The following KIAA0513 variants were observed in gnomAD, a reference collection of about 807,000 sequenced individuals.
KIAA0513 encodes KIAA0513.
Under a neutral mutation model 56.5 loss-of-function variants are expected in KIAA0513, and 39 were observed. That is an observed-to-expected ratio of 0.69 (90% CI 0.53 to 0.90). The LOEUF (loss-of-function observed/expected upper bound fraction) is 0.90, where lower values mean the gene tolerates loss of function less well. KIAA0513 is among the 40% of genes least tolerant of loss of function. KIAA0513 has a pLI of 0.00. For synonymous variants in KIAA0513, 268 were observed against 215.6 expected (o/e 1.24, Z -2.13); for missense variants, 591 against 535.2 (o/e 1.10, Z -1.03).
rs766484276 is a variant in KIAA0513, at chr16:85,067,256, C to T, written c.185C>T (p.Ser62Leu). The T allele has an allele frequency of 1.2e-4, 187 of 1,613,980 alleles. No individual in the cohort carries two copies. In the Admixed American group the frequency reaches 2.8e-3, roughly 24 times the overall value. The change falls in exon 2 of 13, where the codon TCG becomes TTG. Residue 62 changes from serine (S) to leucine (L), a missense_variant. By Grantham distance (145) the Ser-to-Leu change is moderately radical. Coordinates refer to ENST00000683363, the MANE Select transcript of KIAA0513 (RefSeq NM_001388359.1). ...DSENDMGESPSHPSWDQDRRS... is the reference protein window; with the variant it reads ...DSENDMGESPLHPSWDQDRRS... The stretch of plus-strand genomic sequence containing the variant: ...GAGAATGACATGGGCGAGTCGCCCT[C>T]GCACCCGTCCTGGGACCAAGACCGC...
chr16:85,063,424 C>A (rs937633161), intron 1 of KIAA0513: 1 of 152,244 alleles, frequency 6.6e-6, no homozygotes, highest in Non-Finnish European at 1.5e-5. Context: ...TGCCACCACG[C>A]CCGGCTGATT....
chr16:85,052,018 A>G (rs1036489879), intron 1 of KIAA0513, among the ~76,000 whole-genome samples: 1 of 151,620 alleles, frequency 6.6e-6, no homozygotes, highest in Admixed American at 6.6e-5. Context: ...CAAGGTTGTT[A>G]TCCTTTCTAA....
At chr16:85,083,739 G>C (rs1368297064) in intron 10 of KIAA0513, among the ~76,000 whole-genome samples, 1 of 152,170 alleles carries the variant, frequency 6.6e-6, no homozygotes, top group Non-Finnish European at 1.5e-5. Context: ...ATCTCTGACC[G>C]GCCCCTGAGC....
At chr16:85,035,382 G>A (rs1178067545) in intron 1 of KIAA0513, among the ~76,000 whole-genome samples, 3 of 152,220 alleles carry the variant, frequency 2.0e-5, no homozygotes, top group Non-Finnish European at 4.4e-5. Flanking sequence ...TCTCCACCTG[G>A]CTCTGTGGGG....
chr16:85,082,672 C>T lies in KIAA0513; in HGVS notation c.1010+79C>T, dbSNP rs372489501. On this transcript the variant is annotated intron_variant, in intron 10 of 12. Coordinates refer to ENST00000683363, the MANE Select transcript of KIAA0513 (RefSeq NM_001388359.1). Reference sequence around the variant, plus strand: ...GCCACTGCAGGGTGGGGGCTGTGCACTGTGCTGAGCTGCTGCAGCAGGCAC... The same window carrying T: ...GCCACTGCAGGGTGGGGGCTGTGCATTGTGCTGAGCTGCTGCAGCAGGCAC... 7.1e-6 allele frequency: 10 copies of T among 1,398,688 alleles called. No individual in the cohort carries two copies. In the African/African-American group the frequency reaches 1.0e-4, roughly 14 times the overall value. The allele number at this position is 1,398,688 out of a possible 1,614,324, so 86.6% of individuals were successfully genotyped here. A position where few individuals can be genotyped will look rare whatever the true frequency, so the allele number is the denominator to read the frequency against.
chr16:85,074,325 C>G (rs1431168547), intron 4 of KIAA0513, among the ~76,000 whole-genome samples: 2 of 146,336 alleles, frequency 1.4e-5, no homozygotes, highest in East Asian at 4.0e-4. Context: ...CACACACACA[C>G]ACGTATATAT....
chr16:85,075,716 T>C, intron 4 of KIAA0513, 128 bp from the exon 5 acceptor site: 1 of 748,684 alleles, frequency 1.3e-6, no homozygotes, highest in African/African-American at 1.7e-5. Flanking sequence ...GGAGATTGTT[T>C]TGTGCATCTC....
intron 1 of KIAA0513, among the ~76,000 whole-genome samples, chr16:85,055,659 C>T (rs1366329621): frequency 6.6e-6 from 1 of 152,182 alleles, no homozygotes; most frequent in Non-Finnish European, 1.5e-5. Flanking sequence ...TCTTTCTAGA[C>T]ACCTACTGAC....
At chr16:85,057,769 G>T (rs7190474) in intron 1 of KIAA0513, among the ~76,000 whole-genome samples, 4,474 of 141,392 alleles carry the variant, frequency 0.032, 127 homozygotes, top group African/African-American at 0.071. Flanking sequence ...TTTTGTTTTT[G>T]TTTTTTTTTT....
In KIAA0513 at chr16:85,066,905, G is replaced by A. The variant is rs190962592; in HGVS notation, c.-167G>A. The A allele has an allele frequency of 5.6e-4, 301 of 541,578 alleles. No homozygotes were observed. The highest frequency in any genetic ancestry group is 5.2e-3 in the African/African-American group (270 of 52,324). 33.5% of individuals were successfully genotyped at this position (541,578 alleles called of 1,614,324 possible). A position where few individuals can be genotyped will look rare whatever the true frequency, so the allele number is the denominator to read the frequency against. ...TGTCTGTGTTTCCATTCTAGATGCC[G>A]TAGGGCCAGGTGAGCTGCTGTGAAG... On this transcript the variant is annotated 5_prime_UTR_variant, in exon 2 of 13. Coordinates refer to ENST00000683363, the MANE Select transcript of KIAA0513 (RefSeq NM_001388359.1).
chr16:85,077,006 C>T (rs1196997036), intron 5 of KIAA0513, among the ~76,000 whole-genome samples: 1 of 152,102 alleles, frequency 6.6e-6, no homozygotes, highest in Non-Finnish European at 1.5e-5. Flanking sequence ...TTGGGTGCTG[C>T]CCAGACTCCT....
chr16:85,041,870 C>T (rs1008974542), intron 1 of KIAA0513, among the ~76,000 whole-genome samples: 1 of 152,168 alleles, frequency 6.6e-6, no homozygotes, highest in Non-Finnish European at 1.5e-5. Context: ...TACAGCTTCA[C>T]CTTGTCACTT....
rs1297436345 is a variant in KIAA0513 at position 85,066,954 on chromosome 16, T to A, written c.-118T>A. The A allele has an allele frequency of 2.5e-6, 2 of 805,448 alleles. No homozygotes were observed. The highest frequency in any genetic ancestry group is 3.8e-6 in the Non-Finnish European group (2 of 522,162). 49.9% of individuals were successfully genotyped at this position (805,448 alleles called of 1,614,324 possible). A position where few individuals can be genotyped will look rare whatever the true frequency, so the allele number is the denominator to read the frequency against. On this transcript the variant is annotated 5_prime_UTR_variant, in exon 2 of 13. Coordinates refer to ENST00000683363, the MANE Select transcript of KIAA0513 (RefSeq NM_001388359.1). The stretch of plus-strand genomic sequence containing the variant: ...AGGACTCATTCTTGGTAGCCGGCAG[T>A]TACTGGCAACTTGTGAGCTTGGTGG...
Position 85,082,626 on chromosome 16 carries a change from A to G in KIAA0513, c.1010+33A>G, listed in dbSNP as rs997883429. ...TGTCCACGTGACTTTGTTCCATTTT[A>G]CAGTGCGGGCTCCTGCGAAGGCCAC... is the stretch of plus-strand genomic sequence containing the variant. On this transcript the variant is annotated intron_variant, in intron 10 of 12. Transcript: ENST00000683363. The G allele has an allele frequency of 4.3e-6, 7 of 1,612,672 alleles. No homozygotes were observed. In the Admixed American group the frequency reaches 1.0e-4, roughly 23 times the overall value.
chr16:85,039,656 A>C (rs2073079765), intron 1 of KIAA0513, among the ~76,000 whole-genome samples: 1 of 151,952 alleles, frequency 6.6e-6, no homozygotes, highest in African/African-American at 2.4e-5. Flanking sequence ...TATTTTTTGT[A>C]GCAATGGGGT....
Position 85,083,057 on chromosome 16 carries a change from C to A in KIAA0513, c.1010+464C>A, listed in dbSNP as rs527722046. 2.0e-5 allele frequency among the ~76,000 whole-genome samples: 3 copies of A among 152,356 alleles called. No homozygotes were observed. The South Asian group carries it at 6.2e-4, about 32-fold the overall frequency. On this transcript the variant is annotated intron_variant, in intron 10 of 12. Coordinates refer to ENST00000683363, the MANE Select transcript of KIAA0513 (RefSeq NM_001388359.1). Reference sequence around the variant, plus strand: ...CATCTGGGAAGCCACGGGTGGGGTGCAGAGCCTGTCCTGTTTGCAACACCA... The same window carrying A: ...CATCTGGGAAGCCACGGGTGGGGTGAAGAGCCTGTCCTGTTTGCAACACCA...
intron 1 of KIAA0513, among the ~76,000 whole-genome samples, chr16:85,042,554 C>A (rs554802322): frequency 6.6e-6 from 1 of 152,212 alleles, no homozygotes; most frequent in East Asian, 1.9e-4. Flanking sequence ...CCCTTTTAAG[C>A]CTTAAAGTTT....
intron 2 of KIAA0513, among the ~76,000 whole-genome samples, chr16:85,070,330 A>T (rs953583624): frequency 1.3e-5 from 2 of 152,060 alleles, no homozygotes; most frequent in Non-Finnish European, 2.9e-5. Context: ...TCAGTTTTCT[A>T]TGTGGTTAGA....
Position 85,086,089 on chromosome 16 carries a change from G to GGCCCTCAGC in KIAA0513, c.1011-545_1011-537dup, listed in dbSNP as rs1176656633. Among the ~76,000 whole-genome samples, 24 of 152,210 alleles carry GGCCCTCAGC rather than the reference G, an allele frequency of 1.6e-4. 2 individuals carry two copies. Among genetic ancestry groups the GGCCCTCAGC allele is most frequent in the Non-Finnish European group, 2.2e-4 (15 of 68,034 alleles). ...GCCCTCTGCAGACAGGGGACAGTGT[G>GGCCCTCAGC]GCCCTCAGCGCCCTCAGCCTCTGTG... On this transcript the variant is annotated intron_variant, in intron 10 of 12. Coordinates refer to ENST00000683363, the MANE Select transcript of KIAA0513 (RefSeq NM_001388359.1).
Sources: allele counts gnomAD v4.1 joint callset (sites outside exome capture counted in the v4.1 genomes callset), GRCh38; gene constraint gnomAD v4.1.1; transcripts MANE v1.5; gene names NCBI Gene and HGNC (gene_info 2026-07-23, HGNC 2026-07-21).